PWWP2B: variants seen among roughly 807,000 people sequenced by gnomAD.
PWWP2B encodes PWWP domain containing 2B, also known as PWWP domain-containing protein 2B.
In PWWP2B, 9 loss-of-function variants were observed where a neutral mutation model predicts 15.5. That is an observed-to-expected ratio of 0.58 (90% CI 0.35 to 1.02). The LOEUF (loss-of-function observed/expected upper bound fraction) is 1.02, where lower values mean the gene tolerates loss of function less well. PWWP2B is among the 50% of genes least tolerant of loss of function. The pLI, the probability that PWWP2B is intolerant of heterozygous loss-of-function variation, is 0.02. For synonymous variants in PWWP2B, 474 were observed against 403.6 expected (o/e 1.17, Z -2.09); for missense variants, 864 against 865.3 (o/e 1.00, Z 0.02).
Position 132,405,161 on chromosome 10 carries a change from G to A in PWWP2B, c.661G>A (p.Gly221Ser), listed in dbSNP as rs982908948. The change falls in exon 2 of 3, where the codon GGC (glycine) becomes AGC (serine). Residue 221 changes from glycine (G) to serine (S), a missense_variant. Coordinates refer to ENST00000305233, the MANE Select transcript of PWWP2B (RefSeq NM_138499.4). ...CCGCAAGCCGGAGGAGCCGGAGAAC[G>A]GCGAGCCCACGGCTGCGGCCACCGC... ...ELRKPEEPEN[G>S]EPTAAATARR... The A allele has an allele frequency of 1.1e-5, 17 of 1,548,290 alleles. No homozygotes were observed. The highest frequency in any genetic ancestry group is 1.5e-5 in the Non-Finnish European group (17 of 1,146,226).
intron 2 of PWWP2B, among the ~76,000 whole-genome samples, chr10:132,407,917 G>A (rs1244902448): frequency 6.6e-6 from 1 of 152,248 alleles, no homozygotes; most frequent in Non-Finnish European, 1.5e-5. Flanking sequence ...TCTGGACTCA[G>A]GCATTTGCGA....
intron 2 of PWWP2B, among the ~76,000 whole-genome samples, chr10:132,415,943 C>A (rs997382792): frequency 1.3e-5 from 2 of 152,138 alleles, no homozygotes; most frequent in African/African-American, 4.8e-5. Context: ...CTCTTACATT[C>A]ATGCTCACAC....
chr10:132,408,900 G>A (rs1277261348), intron 2 of PWWP2B, among the ~76,000 whole-genome samples: 1 of 152,250 alleles, frequency 6.6e-6, no homozygotes, highest in Non-Finnish European at 1.5e-5. Flanking sequence ...AGGCAGCCTG[G>A]CTGGCACAAG....
rs2069567163 is a variant in PWWP2B at position 132,398,445 on chromosome 10, A to G, written c.125+1094A>G. ...CCACCTGGGAGCTGCCATCCCCTCC[A>G]CCATCGGCCTCAGCTTCCTCTGGCG... On this transcript the variant is annotated intron_variant, in intron 1 of 2. Transcript: ENST00000305233. 5.9e-5 allele frequency among the ~76,000 whole-genome samples: 9 copies of G among 152,246 alleles called. 1 individual carries two copies. The South Asian group carries it at 1.9e-3, about 32-fold the overall frequency.
chr10:132,406,642 G>C (rs2069703469), intron 2 of PWWP2B, among the ~76,000 whole-genome samples: 1 of 152,220 alleles, frequency 6.6e-6, no homozygotes, highest in Non-Finnish European at 1.5e-5. Flanking sequence ...CCTGGGGAGG[G>C]GAGAGCCCAG....
chr10:132,415,255 C>G (rs1389092496), intron 2 of PWWP2B, among the ~76,000 whole-genome samples: 1 of 151,432 alleles, frequency 6.6e-6, no homozygotes, highest in African/African-American at 2.4e-5. Flanking sequence ...CACTCACACA[C>G]ACACCCGCTC....
chr10:132,413,428 G>T (rs1299061028), intron 2 of PWWP2B, among the ~76,000 whole-genome samples: 6 of 152,172 alleles, frequency 3.9e-5, no homozygotes, highest in African/African-American at 1.4e-4. Flanking sequence ...GCCTGAGCTC[G>T]CCCTGCCCGT....
intron 2 of PWWP2B, among the ~76,000 whole-genome samples, chr10:132,408,814 C>T (rs574352810): frequency 1.1e-3 from 171 of 152,372 alleles, no homozygotes; most frequent in Admixed American, 0.01. Flanking sequence ...GGGCTGGAGG[C>T]CCTGCTCAGG....
chr10:132,409,711 G>C (rs1172150917), intron 2 of PWWP2B, among the ~76,000 whole-genome samples: 1 of 151,370 alleles, frequency 6.6e-6, no homozygotes, highest in African/African-American at 2.4e-5. Flanking sequence ...GGGGCCAAAT[G>C]GGGAGGGCTG....
intron 2 of PWWP2B, among the ~76,000 whole-genome samples, chr10:132,414,740 A>G (rs1341290865): frequency 6.6e-6 from 1 of 152,224 alleles, no homozygotes; most frequent in Non-Finnish European, 1.5e-5. Flanking sequence ...ATCCTCGCAA[A>G]CATTCCTCAC....
At chr10:132,397,540 C>T (rs1433556808) in intron 1 of PWWP2B, among the ~76,000 whole-genome samples, 189 bp downstream of exon 1, 30 of 149,014 alleles carry the variant, frequency 2.0e-4, no homozygotes, top group Non-Finnish European at 3.7e-4. Flanking sequence ...AAGTGGTTCT[C>T]AAAGTCGTCG....
At chr10:132,413,157 C>T (rs1033583257) in intron 2 of PWWP2B, among the ~76,000 whole-genome samples, 1 of 152,214 alleles carries the variant, frequency 6.6e-6, no homozygotes, top group African/African-American at 2.4e-5. Context: ...CTAGGATTCA[C>T]TTTTGTGTCT....
intron 2 of PWWP2B, among the ~76,000 whole-genome samples, chr10:132,416,739 A>C (rs1181639916): frequency 2.6e-5 from 4 of 151,952 alleles, no homozygotes; most frequent in Non-Finnish European, 5.9e-5. Context: ...CGGCACAGGC[A>C]TGGTCGTCAG....
intron 1 of PWWP2B, among the ~76,000 whole-genome samples, chr10:132,400,500 G>C (rs879612874): frequency 1.3e-5 from 2 of 152,150 alleles, no homozygotes; most frequent in African/African-American, 4.8e-5. Flanking sequence ...GGTGAGGCAG[G>C]CTCCCCTTGT....
intron 2 of PWWP2B, among the ~76,000 whole-genome samples, chr10:132,414,773 C>T (rs1246500524): frequency 6.6e-6 from 1 of 152,240 alleles, no homozygotes; most frequent in African/African-American, 2.4e-5. Context: ...GCTTCCCGCA[C>T]AGAATCTGCG....
At position 132,404,711 on chromosome 10, in the gene PWWP2B, G is replaced by A. The variant is rs201568045; in HGVS notation, c.211G>A (p.Glu71Lys). The A allele has an allele frequency of 8.7e-6, 14 of 1,611,758 alleles. No individual in the cohort carries two copies. Among genetic ancestry groups the A allele is most frequent in the Admixed American group, 5.0e-5 (3 of 59,960 alleles). Residue 71 changes from glutamate (E) to lysine (K), a missense_variant, in exon 2 of 3, where the codon GAG becomes AAG. By Grantham distance (56) the Glu-to-Lys change is moderately conservative. Coordinates refer to ENST00000305233, the MANE Select transcript of PWWP2B (RefSeq NM_138499.4). The part of the protein sequence containing the change: ...PVNDSHGRAP[E>K]EGDAEVMQLG... ...CAACGACAGCCATGGCCGGGCTCCC[G>A]AGGAGGGGGATGCAGAGGTGATGCA... is the stretch of plus-strand genomic sequence containing the variant.
At chr10:132,415,692 CAT>C (rs796902638) in intron 2 of PWWP2B, among the ~76,000 whole-genome samples, 29 of 147,686 alleles carry the variant, frequency 2.0e-4, no homozygotes, top group African/African-American at 4.5e-4. Context: ...TCCACACACA[CAT>C]GCACTCTCAC....
Position 132,417,503 on chromosome 10 carries a change from C to G in PWWP2B, c.*459C>G, listed in dbSNP as rs1433141009. Reference sequence around the variant, plus strand: ...CTCGCAGTGTCCTGGAGGCAGCTGTCTCGCAGACTCAGCTTGGTCTCCCGC... The same window carrying G: ...CTCGCAGTGTCCTGGAGGCAGCTGTGTCGCAGACTCAGCTTGGTCTCCCGC... On this transcript the variant is annotated 3_prime_UTR_variant, in exon 3 of 3. Coordinates refer to ENST00000305233, the MANE Select transcript of PWWP2B (RefSeq NM_138499.4). 5.3e-6 allele frequency: 1 copy of G among 187,858 alleles called. No homozygotes were observed. The highest frequency in any genetic ancestry group is 6.2e-5 in the Admixed American group (1 of 16,228). 11.6% of individuals were successfully genotyped at this position (187,858 alleles called of 1,614,324 possible).
intron 1 of PWWP2B, among the ~76,000 whole-genome samples, chr10:132,398,216 T>G (rs2069563919): frequency 6.6e-6 from 1 of 152,280 alleles, no homozygotes; most frequent in South Asian, 2.1e-4. Flanking sequence ...GATTTTTGCC[T>G]GGTGACATGA....
Sources: allele counts gnomAD v4.1 joint callset (sites outside exome capture counted in the v4.1 genomes callset), GRCh38; gene constraint gnomAD v4.1.1; transcripts MANE v1.5; gene names NCBI Gene and HGNC (gene_info 2026-07-23, HGNC 2026-07-21).